AUTS2: variants seen among roughly 807,000 people sequenced by gnomAD.
AUTS2 encodes the protein autism susceptibility gene 2 protein.
Under a neutral mutation model 112.4 loss-of-function variants are expected in AUTS2, and 17 were observed. The observed-to-expected ratio is 0.15, with a 90% CI of 0.10 to 0.23. The LOEUF (loss-of-function observed/expected upper bound fraction) is 0.23. Among genes scored for constraint, AUTS2 ranks in the 10% least tolerant of loss-of-function variants. The probability of loss-of-function intolerance (pLI) is 1.00; values close to 1 mark genes in which losing one functional copy is unlikely to be tolerated. For missense variants in AUTS2, 1,510 were observed against 1,701.6 expected, an observed-to-expected ratio of 0.89 and a Z score of 1.98; for synonymous variants, 751 against 702.7, an observed-to-expected ratio of 1.07 and a Z score of -1.09.
chr7:70,749,531 A>G (rs1471724289), intron 6 of AUTS2, among the ~76,000 whole-genome samples: 2 of 152,158 alleles, frequency 1.3e-5, no homozygotes, highest in Non-Finnish European at 2.9e-5. Context: ...AAAAAATGTC[A>G]AAGTCCTCTT....
intron 1 of AUTS2, among the ~76,000 whole-genome samples, chr7:69,883,292 T>C (rs1433803769): frequency 2.0e-5 from 3 of 151,906 alleles, no homozygotes; most frequent in Non-Finnish European, 4.4e-5. Flanking sequence ...CTTTTTTTTT[T>C]TTTTTTCTTT....
At chr7:70,697,685 G>A (rs961190152) in intron 5 of AUTS2, among the ~76,000 whole-genome samples, 27 of 151,848 alleles carry the variant, frequency 1.8e-4, no homozygotes, top group African/African-American at 6.5e-4. Context: ...TGAGGGTTAT[G>A]TAGTGAAAAC....
chr7:69,920,140 A>G (rs1795749654), intron 2 of AUTS2, among the ~76,000 whole-genome samples: 1 of 152,086 alleles, frequency 6.6e-6, no homozygotes, highest in Admixed American at 6.5e-5. Flanking sequence ...TTACATTGAA[A>G]TTATAGAAAT....
intron 5 of AUTS2, among the ~76,000 whole-genome samples, chr7:70,444,373 T>TGTGTGTGTGTGTGTGTGTGTGTGTGAGA (rs372696006): frequency 5.0e-4 from 71 of 142,488 alleles, no homozygotes; most frequent in African/African-American, 1.9e-3. Context: ...TGTGTGTGTG[T>TGTGTGTGTGTGTGTGTGTGTGTGTGAGA]GAGAGAGAGA....
rs1300927794 is a variant in AUTS2 at position 70,764,899 on chromosome 7, A to G, written c.1362A>G (p.Ser454=). Residue 454 remains serine (S), a synonymous_variant, in exon 8 of 19, where the codon TCA becomes TCG. Coordinates refer to ENST00000342771, the MANE Select transcript of AUTS2 (RefSeq NM_015570.4). ...CCACCCTCCAGCCCCCCGCACACTC[A>G]CATCACCCCAATATGTTTGCCCCTC... ...FTPTLQPPAH[S]HHPNMFAPPT... 6.6e-7 allele frequency: 1 copy of G among 1,506,062 alleles called. No individual in the cohort carries two copies. The highest frequency in any genetic ancestry group is 8.9e-7 in the Non-Finnish European group (1 of 1,124,286). The allele number at this position is 1,506,062 out of a possible 1,614,324, so 93.3% of individuals were successfully genotyped here.
At chr7:70,671,372 G>A (rs989120059) in intron 5 of AUTS2, among the ~76,000 whole-genome samples, 5 of 152,216 alleles carry the variant, frequency 3.3e-5, no homozygotes, top group Admixed American at 2.0e-4. Context: ...ACCGCTTGAA[G>A]AAAGGAACAT....
intron 4 of AUTS2, among the ~76,000 whole-genome samples, chr7:70,193,856 A>C (rs955704724): frequency 6.6e-6 from 1 of 152,172 alleles, no homozygotes; most frequent in African/African-American, 2.4e-5. Flanking sequence ...CTAATCTAGA[A>C]TTTACTTTAA....
At chr7:69,904,332 A>G (rs1262326296) in intron 2 of AUTS2, among the ~76,000 whole-genome samples, 1 of 152,206 alleles carries the variant, frequency 6.6e-6, no homozygotes, top group African/African-American at 2.4e-5. Context: ...ATTAACTTGC[A>G]AAGGAGGATT....
chr7:70,171,722 G>T (rs958479298), intron 4 of AUTS2, among the ~76,000 whole-genome samples: 2 of 152,162 alleles, frequency 1.3e-5, no homozygotes, highest in Admixed American at 6.6e-5. Flanking sequence ...ATTTTCATTT[G>T]TTCCTTCCCC....
At chr7:70,548,178 A>G (rs1800867293) in intron 5 of AUTS2, among the ~76,000 whole-genome samples, 2 of 152,178 alleles carry the variant, frequency 1.3e-5, no homozygotes, top group African/African-American at 4.8e-5. Context: ...CTGCTGAATA[A>G]GGGTGTTGAG....
intron 1 of AUTS2, among the ~76,000 whole-genome samples, chr7:69,892,869 T>A (rs1432701257): frequency 1.3e-5 from 2 of 152,228 alleles, no homozygotes; most frequent in Non-Finnish European, 2.9e-5. Flanking sequence ...GTAGAATAGC[T>A]TTTGCCTGAA....
chr7:69,611,255 T>A (rs923496896), intron 1 of AUTS2, among the ~76,000 whole-genome samples: 7 of 151,980 alleles, frequency 4.6e-5, no homozygotes, highest in African/African-American at 1.7e-4. Context: ...CCAGAGGGAG[T>A]TTGTATTTCC....
chr7:69,858,582 G>T (rs1039689622), intron 1 of AUTS2, among the ~76,000 whole-genome samples: 1 of 152,206 alleles, frequency 6.6e-6, no homozygotes, highest in Non-Finnish European at 1.5e-5. Context: ...CTGCTGAGCT[G>T]CTTTGGGCTG....
chr7:70,540,203 A>G (rs1296249304), intron 5 of AUTS2, among the ~76,000 whole-genome samples: 1 of 151,960 alleles, frequency 6.6e-6, no homozygotes. Context: ...TGTTGTTGTG[A>G]TATTGTTGGT....
chr7:69,696,964 A>C (rs1355134093), intron 1 of AUTS2, among the ~76,000 whole-genome samples: 1 of 152,248 alleles, frequency 6.6e-6, no homozygotes, highest in African/African-American at 2.4e-5. Flanking sequence ...AAACGTTTAG[A>C]GTTATCTTAT....
chr7:69,605,057 A>T (rs764051730), intron 1 of AUTS2, among the ~76,000 whole-genome samples: 1 of 152,250 alleles, frequency 6.6e-6, no homozygotes, highest in Non-Finnish European at 1.5e-5. Flanking sequence ...TGAATATCAG[A>T]GAAGGCAATG....
At chr7:70,748,419 C>T (rs991300442) in intron 6 of AUTS2, among the ~76,000 whole-genome samples, 1 of 152,144 alleles carries the variant, frequency 6.6e-6, no homozygotes, top group South Asian at 2.1e-4. Context: ...CTCCCTGTCA[C>T]CCCCTTTGTA....
At chr7:70,339,794 A>C (rs931181443) in intron 4 of AUTS2, among the ~76,000 whole-genome samples, 1 of 152,148 alleles carries the variant, frequency 6.6e-6, no homozygotes, top group Admixed American at 6.5e-5. Flanking sequence ...TCTTGACATA[A>C]AGTAAGTATT....
intron 4 of AUTS2, among the ~76,000 whole-genome samples, chr7:70,225,292 A>G (rs930710776): frequency 2.0e-5 from 3 of 152,202 alleles, no homozygotes; most frequent in Non-Finnish European, 4.4e-5. Flanking sequence ...TTTCTGCAGA[A>G]CAGTTTTTAA....
Sources: allele counts gnomAD v4.1 joint callset (sites outside exome capture counted in the v4.1 genomes callset), GRCh38; gene constraint gnomAD v4.1.1; transcripts MANE v1.5; gene names NCBI Gene and HGNC (gene_info 2026-07-23, HGNC 2026-07-21).